The following KANSL1L variants were observed in gnomAD, a reference collection of about 807,000 sequenced individuals.
The protein encoded by KANSL1L is KAT8 regulatory NSL complex subunit 1-like protein.
KANSL1L carries 25 observed loss-of-function variants against 108.6 expected under a neutral mutation model. The observed-to-expected ratio is 0.23, with a 90% confidence interval of 0.17 to 0.32. The LOEUF is 0.32. Ranked by LOEUF, KANSL1L falls within the 10% of genes least tolerant of loss-of-function variation. The pLI, the probability that KANSL1L is intolerant of heterozygous loss-of-function variation, is 1.00. For synonymous variants in KANSL1L, 405 were observed against 395.1 expected (o/e 1.03, Z -0.30); for missense variants, 1,137 against 1,125.7 (o/e 1.01, Z -0.14).
intron 2 of KANSL1L, among the ~76,000 whole-genome samples, chr2:210,140,253 G>T (rs1192266638): frequency 6.6e-6 from 1 of 152,104 alleles, no homozygotes; most frequent in African/African-American, 2.4e-5. Flanking sequence ...AAAAATATTT[G>T]CCAACATCAA....
intron 2 of KANSL1L, among the ~76,000 whole-genome samples, chr2:210,151,011 G>A (rs1377148448): frequency 6.6e-6 from 1 of 151,922 alleles, no homozygotes. Context: ...AGTCTGAAAA[G>A]ACAAAATTTT....
intron 3 of KANSL1L, among the ~76,000 whole-genome samples, chr2:210,127,272 A>T (rs2095074885): frequency 6.6e-6 from 1 of 152,196 alleles, no homozygotes; most frequent in Non-Finnish European, 1.5e-5. Context: ...CCCTTACCTA[A>T]CACCACACAC....
intron 8 of KANSL1L, among the ~76,000 whole-genome samples, chr2:210,034,261 C>T (rs2094068725): frequency 6.6e-6 from 1 of 152,148 alleles, no homozygotes; most frequent in Non-Finnish European, 1.5e-5. Context: ...AGTTGTGAAA[C>T]TACATGATGT....
chr2:210,123,121 G>A (rs1218659937), intron 3 of KANSL1L, among the ~76,000 whole-genome samples: 1 of 152,094 alleles, frequency 6.6e-6, no homozygotes, highest in Non-Finnish European at 1.5e-5. Flanking sequence ...TCAGAGAAAA[G>A]CTTGGAGCTT....
intron 2 of KANSL1L, among the ~76,000 whole-genome samples, chr2:210,138,958 G>A (rs910716569): frequency 2.0e-5 from 3 of 152,032 alleles, no homozygotes; most frequent in African/African-American, 7.2e-5. Flanking sequence ...AAATAGCCAG[G>A]TGTGGTGGCA....
intron 6 of KANSL1L, chr2:210,064,339 CTAT>C (rs1183167715): frequency 2.6e-5 from 4 of 152,060 alleles, no homozygotes. Flanking sequence ...TAAATATTAG[CTAT>C]TATTATTTGA....
intron 3 of KANSL1L, among the ~76,000 whole-genome samples, chr2:210,123,582 G>C (rs1367229005): frequency 6.6e-6 from 1 of 151,950 alleles, no homozygotes; most frequent in Non-Finnish European, 1.5e-5. Flanking sequence ...TATAATTAGA[G>C]AGAATAAATA....
chr2:210,033,402 ATTC>A (rs2094049823), intron 8 of KANSL1L, among the ~76,000 whole-genome samples: 1 of 152,270 alleles, frequency 6.6e-6, no homozygotes, highest in South Asian at 2.1e-4. Flanking sequence ...AAAAGTGTCC[ATTC>A]TTTTAATAAC....
chr2:210,031,557 T>C lies in KANSL1L; in HGVS notation c.2030-11A>G. The C allele has an allele frequency of 6.7e-7, 1 of 1,482,296 alleles. No homozygotes were observed. The allele number at this position is 1,482,296 out of a possible 1,614,324, so 91.8% of individuals were successfully genotyped here. ...TCAGAGTACTATGTACTAAAACAAA[T>C]GAAAAGGAAATATTAAGTTTTAGTT... On this transcript the variant is annotated splice_polypyrimidine_tract_variant and intron_variant, in intron 8 of 14. Transcript: ENST00000281772.
chr2:210,084,784 T>C (rs1282227865), intron 5 of KANSL1L, among the ~76,000 whole-genome samples: 2 of 152,108 alleles, frequency 1.3e-5, no homozygotes, highest in East Asian at 1.9e-4. Context: ...GAGGTAATTT[T>C]TGTTTTTAGT....
At chr2:210,024,284 G>T in intron 13 of KANSL1L, 83 bp from the exon 14 acceptor site, 1 of 1,069,452 alleles carries the variant, frequency 9.4e-7, no homozygotes. Context: ...GTATCACTGA[G>T]TCAAGTTAAC....
chr2:210,084,669 A>T (rs2125360822), intron 5 of KANSL1L, among the ~76,000 whole-genome samples: 1 of 150,962 alleles, frequency 6.6e-6, no homozygotes, highest in African/African-American at 2.4e-5. Flanking sequence ...GCTGGAGTGC[A>T]TTGGCACGAT....
chr2:210,086,996 A>G (rs1242590001), intron 5 of KANSL1L, among the ~76,000 whole-genome samples: 1 of 151,784 alleles, frequency 6.6e-6, no homozygotes, highest in Non-Finnish European at 1.5e-5. Flanking sequence ...TTTATGCATG[A>G]AAGTTCACTC....
At chr2:210,137,780 C>G (rs1314397437) in intron 2 of KANSL1L, among the ~76,000 whole-genome samples, 1 of 151,972 alleles carries the variant, frequency 6.6e-6, no homozygotes, top group Admixed American at 6.6e-5. Context: ...CCTGTAATAC[C>G]AGCACTTTGG....
chr2:210,102,564 C>T (rs988378081), intron 4 of KANSL1L, among the ~76,000 whole-genome samples: 38 of 151,994 alleles, frequency 2.5e-4, no homozygotes, highest in African/African-American at 9.2e-4. Context: ...TGCAATCTAC[C>T]TATCTGACAA....
At chr2:210,165,879 GTAAGA>G (rs1274503844) in intron 1 of KANSL1L, among the ~76,000 whole-genome samples, 1 of 152,154 alleles carries the variant, frequency 6.6e-6, no homozygotes, top group African/African-American at 2.4e-5. Context: ...GTACAGTAAG[GTAAGA>G]TATTTTGAGA....
At chr2:210,055,429 T>C (rs1210946263) in intron 6 of KANSL1L, among the ~76,000 whole-genome samples, 1 of 152,136 alleles carries the variant, frequency 6.6e-6, no homozygotes, top group African/African-American at 2.4e-5. Context: ...TGGAACTGGG[T>C]AACAGGAAGA....
At chr2:210,058,698 G>A (rs192038024) in intron 6 of KANSL1L, among the ~76,000 whole-genome samples, 1,646 of 152,102 alleles carry the variant, frequency 0.011, 25 homozygotes, top group African/African-American at 0.035. Context: ...TTAGCCGGGC[G>A]TGGTGGCGGG....
At chr2:210,158,630 G>C (rs1221928816) in intron 1 of KANSL1L, among the ~76,000 whole-genome samples, 5 of 151,358 alleles carry the variant, frequency 3.3e-5, no homozygotes, top group African/African-American at 1.2e-4. Context: ...TGAAAGTCCG[G>C]GACATATCAT....
Sources: allele counts gnomAD v4.1 joint callset (sites outside exome capture counted in the v4.1 genomes callset), GRCh38; gene constraint gnomAD v4.1.1; transcripts MANE v1.5; gene names NCBI Gene and HGNC (gene_info 2026-07-23, HGNC 2026-07-21).